The following PREX1 variants were observed in gnomAD, a reference collection of about 807,000 sequenced individuals.
The protein encoded by PREX1 is phosphatidylinositol-3,4,5-trisphosphate dependent Rac exchange factor 1.
In PREX1, 41 loss-of-function variants were observed where a neutral mutation model predicts 198.3. The ratio of observed to expected loss-of-function variants is 0.21; its 90% CI spans 0.16 to 0.27. The LOEUF is 0.27. PREX1 is among the 10% of genes least tolerant of loss of function. The pLI, the probability that PREX1 is intolerant of heterozygous loss-of-function variation, is 1.00. For synonymous variants in PREX1, 843 were observed against 887.2 expected, an observed-to-expected ratio of 0.95 and a Z score of 0.89; for missense variants, 1,620 against 2,200.7, an observed-to-expected ratio of 0.74 and a Z score of 5.28.
In PREX1 at chr20:48,653,433, G is replaced by A. The variant is rs775607435; in HGVS notation, c.2274C>T (p.Asn758=). 10 of 1,613,702 alleles carry A rather than the reference G, an allele frequency of 6.2e-6. No homozygotes were observed. The highest frequency in any genetic ancestry group is 5.3e-5 in the African/African-American group (4 of 74,888). ...CCTCAGGGGCACCATCGTTCATCAC[G>A]TTGCTGCCATTGACCTTCAGAATGC... is the stretch of plus-strand genomic sequence containing the variant. ...GQCILKVNGS[N]VMNDGAPEVL... is the part of the protein sequence containing the mutation. Residue 758 remains asparagine (N), a synonymous_variant, in exon 20 of 40, where the codon AAC becomes AAT. Coordinates refer to ENST00000371941, the MANE Select transcript of PREX1 (RefSeq NM_020820.4).
chr20:48,823,666 A>T (rs1285199249), intron 1 of PREX1, among the ~76,000 whole-genome samples: 1 of 152,210 alleles, frequency 6.6e-6, no homozygotes, highest in Non-Finnish European at 1.5e-5. Context: ...GGAGAAAAGA[A>T]TGGGAGTCAC....
intron 1 of PREX1, among the ~76,000 whole-genome samples, chr20:48,763,706 T>G (rs574628106): frequency 9.8e-5 from 15 of 152,298 alleles, no homozygotes; most frequent in African/African-American, 3.4e-4. Context: ...ATAGTGGCAT[T>G]CAGGGCCCAG....
chr20:48,865,038 G>C, the PREX1 span, among the ~76,000 whole-genome samples: 6 of 152,120 alleles, frequency 3.9e-5, no homozygotes, highest in South Asian at 2.1e-4. Context: ...GGCAGGGTTG[G>C]GGGGGGTCTT....
intron 10 of PREX1, among the ~76,000 whole-genome samples, chr20:48,683,760 T>C (rs2089767585): frequency 6.6e-6 from 1 of 152,136 alleles, no homozygotes; most frequent in Non-Finnish European, 1.5e-5. Context: ...CATCATTAAA[T>C]GTTCATATCG....
intron 4 of PREX1, among the ~76,000 whole-genome samples, chr20:48,733,093 A>G (rs2122722387): frequency 6.6e-6 from 1 of 152,380 alleles, no homozygotes. Context: ...CTTGACTCAT[A>G]CACAACAGAT....
chr20:48,668,552 C>T (rs184310665), intron 14 of PREX1, among the ~76,000 whole-genome samples: 1 of 152,328 alleles, frequency 6.6e-6, no homozygotes, highest in Admixed American at 6.5e-5. Context: ...CCCGCCTGTA[C>T]CCTCCCGTCC....
chr20:48,814,427 C>T (rs1250566283), intron 1 of PREX1, among the ~76,000 whole-genome samples: 2 of 152,052 alleles, frequency 1.3e-5, no homozygotes, highest in Admixed American at 6.5e-5. Flanking sequence ...TCTGAGGAAG[C>T]GGCACTTGAG....
At chr20:48,861,468 G>A in the PREX1 span, among the ~76,000 whole-genome samples, 1 of 152,204 alleles carries the variant, frequency 6.6e-6, no homozygotes, top group African/African-American at 2.4e-5. Flanking sequence ...GTCTGGAAGT[G>A]CACTGTCTGG....
chr20:48,824,464 T>C (rs1001232066), intron 1 of PREX1, among the ~76,000 whole-genome samples: 1 of 152,142 alleles, frequency 6.6e-6, no homozygotes, highest in Admixed American at 6.5e-5. Context: ...CAGGAAGCCC[T>C]CTCTGATCAC....
At chr20:48,813,091 C>T (rs1478834164) in intron 1 of PREX1, among the ~76,000 whole-genome samples, 1 of 152,238 alleles carries the variant, frequency 6.6e-6, no homozygotes, top group Admixed American at 6.5e-5. Flanking sequence ...CTACTCCACC[C>T]CCAACGGCCC....
At chr20:48,842,923 T>A in the PREX1 span, among the ~76,000 whole-genome samples, 1 of 152,184 alleles carries the variant, frequency 6.6e-6, no homozygotes, top group Non-Finnish European at 1.5e-5. Context: ...ACAAGGGTTT[T>A]TCATCTATTT....
chr20:48,868,057 T>A, the PREX1 span, among the ~76,000 whole-genome samples: 1 of 152,122 alleles, frequency 6.6e-6, no homozygotes, highest in Non-Finnish European at 1.5e-5. Context: ...ACATTCTCAC[T>A]GTCATGCAAC....
intron 5 of PREX1, among the ~76,000 whole-genome samples, chr20:48,713,109 C>A (rs2089941641): frequency 6.6e-6 from 1 of 151,336 alleles, no homozygotes; most frequent in South Asian, 2.1e-4. Context: ...CCACTGCACT[C>A]CAGCCTGGGT....
chr20:48,882,240 C>T, the PREX1 span, among the ~76,000 whole-genome samples: 3 of 152,112 alleles, frequency 2.0e-5, no homozygotes, highest in South Asian at 2.1e-4. Context: ...CGGTGGCTCA[C>T]GCCTGTAATC....
chr20:48,827,132 T>C lies in PREX1; in HGVS notation c.219+510A>G, dbSNP rs2090512429. Among the ~76,000 whole-genome samples, 1 of 152,136 alleles carries C rather than the reference T, an allele frequency of 6.6e-6. No homozygotes were observed. Among genetic ancestry groups the C allele is most frequent in the Non-Finnish European group, 1.5e-5 (1 of 68,010 alleles). ...CAGCAAAAACCTGTGCATGGGGGAT[T>C]CTACCCTGGGGTTCTGTCAATCCCC... is the stretch of plus-strand genomic sequence containing the variant. On this transcript the variant is annotated intron_variant, in intron 1 of 39. Coordinates refer to ENST00000371941, the MANE Select transcript of PREX1 (RefSeq NM_020820.4). The surrounding 1 kb of genome is among the most constrained non-coding windows in gnomAD (Gnocchi z 4.1).
intron 35 of PREX1, among the ~76,000 whole-genome samples, 158 bp from the exon 36 acceptor site, chr20:48,630,952 C>T (rs987745465): frequency 6.6e-6 from 1 of 152,064 alleles, no homozygotes; most frequent in Non-Finnish European, 1.5e-5. Flanking sequence ...CACCCGCAGG[C>T]ACCTGTTCCT....
At position 48,632,322 on chromosome 20, in the gene PREX1, T is replaced by C; in HGVS notation, c.4481A>G (p.Asn1494Ser). The stretch of plus-strand genomic sequence containing the variant: ...CTGAACTTTCTCCAGGGACTGCGCG[T>C]TGATGTCCTGCTGCAAATCCTCCGC... ...QAAEDLQQDI[N>S]AQSLEKVQQY... is the part of the protein sequence containing the mutation. The change falls in exon 35 of 40, where the codon AAC becomes AGC. Residue 1494 changes from asparagine (N) to serine (S), a missense_variant. Physicochemically the swap from Asn to Ser is conservative, Grantham distance 46. Around this residue, in one of 7 missense-constraint regions of PREX1, gnomAD observed 476 missense variants for 603.4 expected, o/e 0.79. Transcript: ENST00000371941. 6.2e-7 allele frequency: 1 copy of C among 1,614,064 alleles called. No individual in the cohort carries two copies. Among genetic ancestry groups the C allele is most frequent in the Non-Finnish European group, 8.5e-7 (1 of 1,179,986 alleles).
At chr20:48,812,305 T>C (rs35448308) in intron 1 of PREX1, among the ~76,000 whole-genome samples, 4 of 147,102 alleles carry the variant, frequency 2.7e-5, no homozygotes, top group Admixed American at 6.8e-5. Context: ...GGGTAAATAA[T>C]ATAAGAGGAA....
At chr20:48,681,697 TGGATGGAC>T (rs1242491784) in intron 10 of PREX1, among the ~76,000 whole-genome samples, 4 of 151,620 alleles carry the variant, frequency 2.6e-5, no homozygotes, top group Non-Finnish European at 4.4e-5. Context: ...GATGGATGGA[TGGATGGAC>T]GGACGGATGG....
Sources: allele counts gnomAD v4.1 joint callset (sites outside exome capture counted in the v4.1 genomes callset), GRCh38; gene constraint gnomAD v4.1.1; regional missense constraint gnomAD v4.1.1; non-coding constraint Gnocchi (gnomAD v3.1); transcripts MANE v1.5; gene names NCBI Gene and HGNC (gene_info 2026-07-23, HGNC 2026-07-21).